The following PHF13 variants were observed in gnomAD, a reference collection of about 807,000 sequenced individuals.
PHF13 encodes the protein PHD zinc finger protein PHF5.
Under a neutral mutation model 25.8 loss-of-function variants are expected in PHF13, and 1 was observed. The ratio of observed to expected loss-of-function variants is 0.04; its 90% confidence interval spans 0.01 to 0.18. PHF13 has a LOEUF of 0.18. Among genes scored for constraint, PHF13 ranks in the 10% least tolerant of loss-of-function variants. The pLI is 1.00. For synonymous variants in PHF13, 195 were observed against 162.4 expected, an observed-to-expected ratio of 1.20 and a Z score of -1.53; for missense variants, 306 against 403.2, an observed-to-expected ratio of 0.76 and a Z score of 2.06.
chr1:6,614,000 C>T lies in PHF13; in HGVS notation c.-67C>T, dbSNP rs1418073603. ...GCGCAGCCGCCCGAGCCCCCAGCCCCGGGCGGCCCCGCTCCAGCATCCCAG... is the reference window on the plus strand; with the variant it reads ...GCGCAGCCGCCCGAGCCCCCAGCCCTGGGCGGCCCCGCTCCAGCATCCCAG... On this transcript the variant is annotated 5_prime_UTR_variant, in exon 1 of 4. Coordinates refer to ENST00000377648, the MANE Select transcript of PHF13 (RefSeq NM_153812.3). 8 of 1,312,756 alleles carry T rather than the reference C, an allele frequency of 6.1e-6. No homozygotes were observed. Among genetic ancestry groups the T allele is most frequent in the Non-Finnish European group, 8.5e-6 (8 of 940,748 alleles). The allele number at this position is 1,312,756 out of a possible 1,614,324, so 81.3% of individuals were successfully genotyped here.
Position 6,620,216 on chromosome 1 carries a change from A to T in PHF13, c.555A>T (p.Ser185=). 1 of 1,613,910 alleles carries T rather than the reference A, an allele frequency of 6.2e-7. No homozygotes were observed. The change falls in exon 3 of 4, where the codon TCA becomes TCT. Residue 185 remains serine (S), a synonymous_variant. Transcript: ENST00000377648. ...CGAGTGGATCTTGTGCCACTGTGTC[A>T]CCTGATCAGGTCAAAGAAATAAAAA... is the stretch of plus-strand genomic sequence containing the variant. ...TPSSGSCATV[S]PDQVKEIKTE...
chr1:6,614,370 C>A (rs1031365999), intron 1 of PHF13: 3 of 445,902 alleles, frequency 6.7e-6, no homozygotes, highest in Non-Finnish European at 1.2e-5. Flanking sequence ...CTATTTCTCT[C>A]CCCCGGGCCG....
chr1:6,617,966 C>T (rs1641284903), intron 2 of PHF13, among the ~76,000 whole-genome samples: 1 of 152,162 alleles, frequency 6.6e-6, no homozygotes, highest in African/African-American at 2.4e-5. Flanking sequence ...GTCTCAGCTC[C>T]CTGGCTGCCC....
chr1:6,619,773 A>T (rs1248747645), intron 2 of PHF13, 30 bp from the exon 3 acceptor site: 2 of 1,560,970 alleles, frequency 1.3e-6, no homozygotes, highest in Non-Finnish European at 1.7e-6. Context: ...TGTCACCAGT[A>T]ACTGGAATCT....
chr1:6,617,125 T>C (rs959406891), intron 2 of PHF13, among the ~76,000 whole-genome samples: 2 of 152,212 alleles, frequency 1.3e-5, no homozygotes, highest in East Asian at 3.8e-4. Context: ...TTTTTTGGAA[T>C]GGAAACTTGC....
rs756469211 is a variant in PHF13 at position 6,616,843 on chromosome 1, C to T, written c.126C>T (p.Ile42=). The T allele has an allele frequency of 2.4e-5, 39 of 1,613,752 alleles. No homozygotes were observed. The highest frequency in any genetic ancestry group is 3.1e-5 in the Non-Finnish European group (37 of 1,179,760). ...CTFVLAYAGY[I]PYPKEELPLR... is the part of the protein sequence containing the mutation. ...TTGTCTTGGCCTATGCTGGCTACAT[C>T]CCTTATCCGAAGGAGGTAATCTTCT... Residue 42 remains isoleucine, a synonymous_variant, in exon 2 of 4, where the codon ATC becomes ATT. Transcript: ENST00000377648.
Position 6,619,936 on chromosome 1 carries a change from A to G in PHF13, c.275A>G (p.His92Arg), listed in dbSNP as rs1641313280. 5.0e-6 allele frequency: 8 copies of G among 1,613,762 alleles called. No homozygotes were observed. The highest frequency in any genetic ancestry group is 6.8e-6 in the Non-Finnish European group (8 of 1,180,008). Residue 92 changes from histidine to arginine, a missense_variant, in exon 3 of 4, where the codon CAC becomes CGC. His to Arg is a conservative substitution (Grantham distance 29). Transcript: ENST00000377648. ...CCAGTCTCTGACCGCTGCTTTAGCC[A>G]CCTGCAGCCTACTCTCTTGCAGCGA... ...PLPVSDRCFS[H>R]LQPTLLQRAK...
In PHF13 at chr1:6,621,751, A is replaced by G. The variant is rs78180692; in HGVS notation, c.*114A>G. ...GCTCTGGTGCGGGCAGATCCCTGCC[A>G]TTTAGGTGCCTAAGCAAAAGGACAG... On this transcript the variant is annotated 3_prime_UTR_variant, in exon 4 of 4. Coordinates refer to ENST00000377648, the MANE Select transcript of PHF13 (RefSeq NM_153812.3). The surrounding 1 kb of genome is among the most constrained non-coding windows in gnomAD (Gnocchi z 4.8). The G allele has an allele frequency of 2.9e-3, 3,055 of 1,042,820 alleles. 63 individuals are homozygous for G. In the African/African-American group the frequency reaches 0.043, roughly 15 times the overall value. 64.6% of individuals were successfully genotyped at this position (1,042,820 alleles called of 1,614,324 possible). A position where few individuals can be genotyped will look rare whatever the true frequency, so the allele number is the denominator to read the frequency against.
chr1:6,619,372 CAG>C (rs1454433539), intron 2 of PHF13, among the ~76,000 whole-genome samples: 3 of 151,534 alleles, frequency 2.0e-5, no homozygotes, highest in Non-Finnish European at 4.4e-5. Flanking sequence ...TTTTGAGACA[CAG>C]AATCTCCCTC....
chr1:6,618,748 A>G (rs1641297930), intron 2 of PHF13, among the ~76,000 whole-genome samples: 5 of 151,932 alleles, frequency 3.3e-5, no homozygotes, highest in Admixed American at 2.6e-4. Context: ...GGTTCAAGCA[A>G]TTCTCCCTGC....
In PHF13 at chr1:6,623,061, T is replaced by C. The variant is rs1469777449; in HGVS notation, c.*1424T>C. The C allele has an allele frequency of 2.6e-5, 4 of 152,288 alleles. No individual in the cohort carries two copies. The highest frequency in any genetic ancestry group is 2.6e-4 in the Admixed American group (4 of 15,288). 9.4% of individuals were successfully genotyped at this position (152,288 alleles called of 1,614,324 possible). On this transcript the variant is annotated 3_prime_UTR_variant, in exon 4 of 4. Transcript: ENST00000377648. ...AAGGGAAGAATGCTCAAGCAAGTCA[T>C]GTTTGTTTTCAGTGGGATGGGCCCG...
intron 1 of PHF13, among the ~76,000 whole-genome samples, chr1:6,615,045 C>T (rs995106745): frequency 6.8e-6 from 1 of 147,926 alleles, no homozygotes; most frequent in African/African-American, 2.5e-5. Context: ...GGCCCCGCAC[C>T]TTCGGGGGCC....
chr1:6,615,034 G>A (rs898134993), intron 1 of PHF13, among the ~76,000 whole-genome samples: 24 of 151,404 alleles, frequency 1.6e-4, no homozygotes, highest in African/African-American at 5.3e-4. Flanking sequence ...CTCGCGGGAT[G>A]GGCCCCGCAC....
intron 1 of PHF13, among the ~76,000 whole-genome samples, chr1:6,616,065 T>TCCA (rs1440695753): frequency 7.2e-6 from 1 of 137,956 alleles, no homozygotes; most frequent in East Asian, 2.2e-4. Flanking sequence ...ATCTTAGCTC[T>TCCA]GTCTACCGGG....
At chr1:6,614,342 T>G in intron 1 of PHF13, 1 of 487,628 alleles carries the variant, frequency 2.1e-6, no homozygotes. Flanking sequence ...CCGCGCCCTT[T>G]CCCCAGGGCC....
intron 2 of PHF13, among the ~76,000 whole-genome samples, chr1:6,618,785 C>T (rs1196172237): frequency 2.0e-5 from 3 of 152,134 alleles, no homozygotes; most frequent in East Asian, 3.8e-4. Flanking sequence ...GCTGGGATTA[C>T]AGGTGTCAGC....
rs1641207604 is a variant in PHF13 at position 6,613,840 on chromosome 1, C to G, written c.-227C>G. Reference sequence around the variant, plus strand: ...CCTGCAGCCACTCTCCCGCCTCTACCGCCGCGGGAGCTGCATCGTCCACTC... The same window carrying G: ...CCTGCAGCCACTCTCCCGCCTCTACGGCCGCGGGAGCTGCATCGTCCACTC... On this transcript the variant is annotated 5_prime_UTR_variant, in exon 1 of 4. Transcript: ENST00000377648. 4.6e-6 allele frequency: 2 copies of G among 434,908 alleles called. No homozygotes were observed. Among genetic ancestry groups the G allele is most frequent in the South Asian group, 6.5e-5 (2 of 30,694 alleles). The allele number at this position is 434,908 out of a possible 1,614,324, so 26.9% of individuals were successfully genotyped here.
intron 2 of PHF13, among the ~76,000 whole-genome samples, chr1:6,617,189 G>A (rs1048161266): frequency 6.6e-6 from 1 of 151,860 alleles, no homozygotes; most frequent in Non-Finnish European, 1.5e-5. Flanking sequence ...CGGGTTCAAG[G>A]GATTCTCCTG....
chr1:6,616,678 A>C, intron 1 of PHF13, 79 bp from the exon 2 acceptor site: 1 of 1,231,076 alleles, frequency 8.1e-7, no homozygotes, highest in Non-Finnish European at 1.2e-6. Context: ...CAAAAGTTCC[A>C]GCTTACTTCC....
Sources: allele counts gnomAD v4.1 joint callset (sites outside exome capture counted in the v4.1 genomes callset), GRCh38; gene constraint gnomAD v4.1.1; non-coding constraint Gnocchi (gnomAD v3.1); transcripts MANE v1.5; gene names NCBI Gene and HGNC (gene_info 2026-07-23, HGNC 2026-07-21).